The following GABRB2 variants were observed in gnomAD, a reference collection of about 807,000 sequenced individuals.
The protein encoded by GABRB2 is gamma-aminobutyric acid receptor subunit beta-2.
Under a neutral mutation model 54.7 loss-of-function variants are expected in GABRB2, and 16 were observed. The ratio of observed to expected loss-of-function variants is 0.29; its 90% confidence interval spans 0.20 to 0.44. GABRB2 has a LOEUF of 0.44. Among genes scored for constraint, GABRB2 ranks in the 20% least tolerant of loss-of-function variants. GABRB2 has a pLI of 1.00. For missense variants in GABRB2, 355 were observed against 644.0 expected, an observed-to-expected ratio of 0.55 and a Z score of 4.86; for synonymous variants, 244 against 233.8, an observed-to-expected ratio of 1.04 and a Z score of -0.40.
intron 9 of GABRB2, among the ~76,000 whole-genome samples, chr5:161,304,859 C>T (rs1021238775): frequency 4.0e-4 from 60 of 151,786 alleles, no homozygotes; most frequent in African/African-American, 1.4e-3. Context: ...CTGGGTGCCT[C>T]TTATTATAAA....
At chr5:161,478,974 C>T (rs1215439319) in intron 3 of GABRB2, among the ~76,000 whole-genome samples, 4 of 152,016 alleles carry the variant, frequency 2.6e-5, no homozygotes, top group African/African-American at 9.7e-5. Flanking sequence ...AAAGAAAGGA[C>T]ATTTTAAAAT....
intron 3 of GABRB2, among the ~76,000 whole-genome samples, chr5:161,470,725 A>G (rs1758412688): frequency 1.3e-5 from 2 of 151,936 alleles, no homozygotes; most frequent in African/African-American, 4.8e-5. Flanking sequence ...ACAGTTTATG[A>G]ATTGTTTATT....
chr5:161,466,833 G>A (rs1758294944), intron 3 of GABRB2, among the ~76,000 whole-genome samples: 1 of 151,904 alleles, frequency 6.6e-6, no homozygotes, highest in South Asian at 2.1e-4. Flanking sequence ...TTTTTCTGTA[G>A]AGACTTCAGC....
intron 3 of GABRB2, among the ~76,000 whole-genome samples, chr5:161,541,754 A>C (rs1760824528): frequency 6.6e-6 from 1 of 152,216 alleles, no homozygotes; most frequent in Non-Finnish European, 1.5e-5. Context: ...TTGATCTTCT[A>C]TCAAGAGCAC....
Position 161,479,403 on chromosome 5 carries a change from T to A in GABRB2, c.238-19559A>T, listed in dbSNP as rs1228111215. On this transcript the variant is annotated intron_variant, in intron 3 of 9. Transcript: ENST00000393959. ...ACAGTACTTCTTACATTGTGCAACC[T>A]AATCAGCTCACTCTAGTCCTTCCTG... is the stretch of plus-strand genomic sequence containing the variant. Among the ~76,000 whole-genome samples, 3 of 151,454 alleles carry A rather than the reference T, an allele frequency of 2.0e-5. No individual in the cohort carries two copies. The East Asian group carries it at 5.8e-4, about 29-fold the overall frequency.
chr5:161,548,088 T>G (rs1761045931), upstream of GABRB2: 1 of 152,876 alleles, frequency 6.5e-6, no homozygotes, highest in Non-Finnish European at 1.5e-5. Context: ...TCCCGCGGTC[T>G]CCGCGCCACC....
intron 3 of GABRB2, among the ~76,000 whole-genome samples, chr5:161,516,637 T>C (rs1759958062): frequency 6.7e-6 from 1 of 148,174 alleles, no homozygotes; most frequent in South Asian, 2.1e-4. Flanking sequence ...GGTTTGCAAA[T>C]AAAGTAAAGA....
Position 161,293,030 on chromosome 5 carries a change from A to T in GABRB2, c.*1051T>A, listed in dbSNP as rs886333702. On this transcript the variant is annotated 3_prime_UTR_variant, in exon 10 of 10. Coordinates refer to ENST00000393959, the MANE Select transcript of GABRB2 (RefSeq NM_001371727.1). Reference sequence around the variant, plus strand: ...GCAGGGACAGCTGACTTCGTCTGAGAAAAACAATCTGTTTGCTAGTTTGTG... The same window carrying T: ...GCAGGGACAGCTGACTTCGTCTGAGTAAAACAATCTGTTTGCTAGTTTGTG... 1.3e-5 allele frequency: 2 copies of T among 152,204 alleles called. No individual in the cohort carries two copies. The highest frequency in any genetic ancestry group is 2.9e-5 in the Non-Finnish European group (2 of 68,022). The allele number at this position is 152,204 out of a possible 1,614,324, so 9.4% of individuals were successfully genotyped here.
At chr5:161,504,746 T>C (rs1759551271) in intron 3 of GABRB2, among the ~76,000 whole-genome samples, 1 of 131,528 alleles carries the variant, frequency 7.6e-6, no homozygotes, top group Non-Finnish European at 1.6e-5. Flanking sequence ...ATAAGACTAA[T>C]ATCTGGAATT....
Position 161,294,143 on chromosome 5 carries a change from T to A in GABRB2, c.1477A>T (p.Ile493Leu). Residue 493 changes from isoleucine to leucine, a missense_variant, in exon 10 of 10, where the codon ATA becomes TTA. This residue lies in a region of GABRB2 where 201 missense variants were observed against 228.1 expected (regional missense o/e 0.88). Transcript: ENST00000393959. ...DVNAIDRWSR[I>L]FFPVVFSFFN... is the part of the protein sequence containing the mutation. The stretch of plus-strand genomic sequence containing the variant: ...AAGGAAAAAACCACTGGGAAGAATA[T>A]GCGGGACCACCGATCTATGGCATTC... The A allele has an allele frequency of 6.2e-7, 1 of 1,614,006 alleles. No homozygotes were observed. The highest frequency in any genetic ancestry group is 8.5e-7 in the Non-Finnish European group (1 of 1,179,960).
At chr5:161,439,680 T>A (rs1042881139) in intron 4 of GABRB2, among the ~76,000 whole-genome samples, 11 of 151,704 alleles carry the variant, frequency 7.3e-5, no homozygotes, top group Non-Finnish European at 1.5e-4. Context: ...AAGAGTAGAA[T>A]TTTTATTAGT....
chr5:161,531,812 C>A (rs1162739170), intron 3 of GABRB2, among the ~76,000 whole-genome samples: 1 of 151,896 alleles, frequency 6.6e-6, no homozygotes, highest in African/African-American at 2.4e-5. Context: ...ATCAGATCCT[C>A]TTTAAATTTC....
intron 3 of GABRB2, among the ~76,000 whole-genome samples, chr5:161,510,151 C>T (rs1759721952): frequency 6.6e-6 from 1 of 151,748 alleles, no homozygotes; most frequent in Non-Finnish European, 1.5e-5. Context: ...CTCTTTTAGT[C>T]ATTTAAAAAT....
At chr5:161,531,273 T>G (rs1760452928) in intron 3 of GABRB2, among the ~76,000 whole-genome samples, 1 of 152,172 alleles carries the variant, frequency 6.6e-6, no homozygotes, top group Non-Finnish European at 1.5e-5. Flanking sequence ...CATTCATGAT[T>G]AATGTTAAAA....
chr5:161,451,916 A>C (rs190677587), intron 4 of GABRB2, among the ~76,000 whole-genome samples: 26 of 152,310 alleles, frequency 1.7e-4, no homozygotes, highest in African/African-American at 6.0e-4. Flanking sequence ...TTTCATAAGA[A>C]CTATAGTTTC....
chr5:161,525,837 G>A (rs1404698411), intron 3 of GABRB2, among the ~76,000 whole-genome samples: 1 of 151,180 alleles, frequency 6.6e-6, no homozygotes, highest in Admixed American at 6.6e-5. Context: ...ACCTGGGGGT[G>A]ATAAGTTCTT....
At chr5:161,493,045 A>T (rs919051064) in intron 3 of GABRB2, among the ~76,000 whole-genome samples, 1 of 150,802 alleles carries the variant, frequency 6.6e-6, no homozygotes, top group Non-Finnish European at 1.5e-5. Context: ...TTGCTAAAAG[A>T]AAGATTGTGT....
intron 3 of GABRB2, among the ~76,000 whole-genome samples, chr5:161,505,996 T>C (rs1759594640): frequency 1.3e-5 from 2 of 152,120 alleles, no homozygotes; most frequent in Admixed American, 1.3e-4. Flanking sequence ...GAAAAGAAGA[T>C]GTAAGACTGT....
At chr5:161,314,004 A>C (rs1391768383) in intron 9 of GABRB2, among the ~76,000 whole-genome samples, 2 of 152,220 alleles carry the variant, frequency 1.3e-5, no homozygotes, top group Non-Finnish European at 2.9e-5. Context: ...TTCGTGTTAT[A>C]CTGCAGCTGG....
Sources: gnomAD v4.1 joint callset for allele counts (sites outside exome capture counted in the v4.1 genomes callset) on GRCh38, gnomAD v4.1.1 for gene constraint, gnomAD v4.1.1 regional missense constraint, MANE v1.5 for transcripts, NCBI Gene and HGNC (gene_info 2026-07-23, HGNC 2026-07-21) for gene names.